CRTC1: variants seen among roughly 807,000 people sequenced by gnomAD.
CRTC1 encodes CREB regulated transcription coactivator 1, also known as CREB-regulated transcription coactivator 1.
CRTC1 carries 18 observed loss-of-function variants against 66.1 expected under a neutral mutation model. That is an observed-to-expected ratio of 0.27 (90% CI 0.19 to 0.40). CRTC1 has a LOEUF of 0.40. Ranked by LOEUF, CRTC1 falls within the 10% of genes least tolerant of loss-of-function variation. The pLI, the probability that CRTC1 is intolerant of heterozygous loss-of-function variation, is 1.00. For missense variants in CRTC1, 669 were observed against 887.9 expected, an observed-to-expected ratio of 0.75 and a Z score of 3.13; for synonymous variants, 416 against 398.8, an observed-to-expected ratio of 1.04 and a Z score of -0.51.
chr19:18,697,190 G>A lies in CRTC1; in HGVS notation c.126+13362G>A, dbSNP rs766092448. On this transcript the variant is annotated intron_variant, in intron 1 of 13. Transcript: ENST00000321949. ...TGTTTATTATTTGCCAACTGGAAAC[G>A]AAGCATGGCCGGGGCCTCCTCCTTG... Among the ~76,000 whole-genome samples, 12 of 152,120 alleles carry A rather than the reference G, an allele frequency of 7.9e-5. 1 individual carries two copies. Among genetic ancestry groups the A allele is most frequent in the Non-Finnish European group, 1.8e-4 (12 of 68,022 alleles).
At position 18,777,809 on chromosome 19, in the gene CRTC1, A is replaced by C; in HGVS notation, c.*427A>C. The C allele has an allele frequency of 3.4e-6, 1 of 293,224 alleles. No individual in the cohort carries two copies. Among genetic ancestry groups the C allele is most frequent in the Non-Finnish European group, 6.4e-6 (1 of 156,152 alleles). 18.2% of individuals were successfully genotyped at this position (293,224 alleles called of 1,614,324 possible). A position where few individuals can be genotyped will look rare whatever the true frequency, so the allele number is the denominator to read the frequency against. On this transcript the variant is annotated 3_prime_UTR_variant, in exon 14 of 14. Coordinates refer to ENST00000321949, the MANE Select transcript of CRTC1 (RefSeq NM_015321.3). The surrounding 1 kb of genome is among the most constrained non-coding windows in gnomAD (Gnocchi z 5.5). ...TTTTCCGACTGTTTGTCCAGCTCTC[A>C]CTGCCTTCCTTGGTTCCCGGTCCCC...
rs1349281140 is a variant in CRTC1 at position 18,731,336 on chromosome 19, G to A, written c.127-11574G>A. Among the ~76,000 whole-genome samples, 2 of 152,072 alleles carry A rather than the reference G, an allele frequency of 1.3e-5. 1 individual carries two copies. Among genetic ancestry groups the A allele is most frequent in the Non-Finnish European group, 2.9e-5 (2 of 68,008 alleles). Reference sequence around the variant, plus strand: ...AGCTCCTGGTGGCCCAGCGATCCTCGGCAGGCTCTTGACTTGTAGACGCGG... The same window carrying A: ...AGCTCCTGGTGGCCCAGCGATCCTCAGCAGGCTCTTGACTTGTAGACGCGG... On this transcript the variant is annotated intron_variant, in intron 1 of 13. Transcript: ENST00000321949.
At chr19:18,701,180 G>A (rs1352169002) in intron 1 of CRTC1, among the ~76,000 whole-genome samples, 10 of 152,260 alleles carry the variant, frequency 6.6e-5, no homozygotes, top group African/African-American at 1.9e-4. Context: ...GGTCCACCAT[G>A]GGGTGGAGGC....
At chr19:18,726,284 G>A (rs1004138328) in intron 1 of CRTC1, among the ~76,000 whole-genome samples, 6 of 152,340 alleles carry the variant, frequency 3.9e-5, no homozygotes, top group African/African-American at 7.2e-5. Flanking sequence ...TTCCAGCACC[G>A]CTGACGTGTG....
At position 18,703,456 on chromosome 19, in the gene CRTC1, CATTT is replaced by C. The variant is rs113928670; in HGVS notation, c.126+19647_126+19650del. Among the ~76,000 whole-genome samples, 351 of 152,166 alleles carry C rather than the reference CATTT, an allele frequency of 2.3e-3. 1 individual carries two copies. Among genetic ancestry groups the C allele is most frequent in the African/African-American group, 7.9e-3 (330 of 41,516 alleles). On this transcript the variant is annotated intron_variant, in intron 1 of 13. Coordinates refer to ENST00000321949, the MANE Select transcript of CRTC1 (RefSeq NM_015321.3). ...TTATTTACTTACGTATTTATTTATG[CATTT>C]ATTTATTTATTTATTTATGATAGAG...
intron 8 of CRTC1, among the ~76,000 whole-genome samples, chr19:18,765,203 A>G (rs889581818): frequency 6.6e-6 from 1 of 152,152 alleles, no homozygotes; most frequent in Non-Finnish European, 1.5e-5. Context: ...GAAGGAGAAC[A>G]GACTCTGCAG....
chr19:18,747,170 T>G, intron 4 of CRTC1, 56 bp downstream of exon 4: 3 of 1,125,604 alleles, frequency 2.7e-6, no homozygotes, highest in African/African-American at 1.9e-5. Flanking sequence ...AAAACCAAAC[T>G]CTCATCATGG....
intron 1 of CRTC1, among the ~76,000 whole-genome samples, chr19:18,697,949 C>G (rs940078311): frequency 1.3e-5 from 2 of 152,224 alleles, no homozygotes; most frequent in Non-Finnish European, 2.9e-5. Context: ...AGCAGGCACA[C>G]AGTGTGTACT....
intron 2 of CRTC1, chr19:18,744,239 C>A: frequency 7.2e-7 from 1 of 1,380,350 alleles, no homozygotes; most frequent in Non-Finnish European, 9.9e-7. Context: ...CTGGGGATCC[C>A]TGAGCTCCCC....
intron 1 of CRTC1, among the ~76,000 whole-genome samples, chr19:18,730,545 C>T (rs2053863869): frequency 6.6e-6 from 1 of 152,132 alleles, no homozygotes; most frequent in African/African-American, 2.4e-5. Flanking sequence ...GTTTGGGCTT[C>T]ATCTGCACCC....
At chr19:18,769,129 G>A (rs1203656269) in intron 10 of CRTC1, among the ~76,000 whole-genome samples, 3 of 152,226 alleles carry the variant, frequency 2.0e-5, no homozygotes, top group African/African-American at 7.2e-5. Context: ...AGAGTACGGC[G>A]TTCTCAGGGC....
chr19:18,769,039 C>T (rs982842433), intron 10 of CRTC1, among the ~76,000 whole-genome samples: 3 of 152,224 alleles, frequency 2.0e-5, no homozygotes, highest in Non-Finnish European at 4.4e-5. Flanking sequence ...AGGTGGGCCA[C>T]CCCATGTTTA....
chr19:18,701,600 T>C (rs528377003), intron 1 of CRTC1, among the ~76,000 whole-genome samples: 7 of 152,288 alleles, frequency 4.6e-5, no homozygotes, highest in African/African-American at 1.4e-4. Context: ...TCTTATGAGA[T>C]AGGATTTTTG....
In CRTC1 at chr19:18,715,650, C is replaced by T. The variant is rs530467260; in HGVS notation, c.127-27260C>T. Among the ~76,000 whole-genome samples the T allele has an allele frequency of 7.2e-5, 11 of 152,372 alleles. No homozygotes were observed. The East Asian group carries it at 2.1e-3, about 29-fold the overall frequency. ...GCCACCTGTGGCCCCGGGGACGGGC[C>T]TGTCCTCCCCTCTTCCCCTGCTTCT... is the stretch of plus-strand genomic sequence containing the variant. On this transcript the variant is annotated intron_variant, in intron 1 of 13. Coordinates refer to ENST00000321949, the MANE Select transcript of CRTC1 (RefSeq NM_015321.3).
chr19:18,725,643 G>A (rs994377373), intron 1 of CRTC1, among the ~76,000 whole-genome samples: 15 of 152,184 alleles, frequency 9.9e-5, no homozygotes, highest in South Asian at 2.1e-4. Context: ...AGGCCTGGCC[G>A]TCCTTGGCGC....
rs1285522947 is a variant in CRTC1 at position 18,747,097 on chromosome 19, G to A, written c.426G>A (p.Ala142=). The change falls in exon 4 of 14, where the codon GCG becomes GCA. Residue 142 remains alanine (A), a synonymous_variant. Transcript: ENST00000321949. ...PYGTMYLSPP[A]DTSWRRTNSD... is the part of the protein sequence containing the mutation. ...GCACCATGTACCTCTCACCACCCGC[G>A]GACACCAGCTGGAGAAGGTCAGTGG... The A allele has an allele frequency of 5.0e-6, 8 of 1,611,672 alleles. No individual in the cohort carries two copies. Among genetic ancestry groups the A allele is most frequent in the African/African-American group, 1.3e-5 (1 of 74,148 alleles).
intron 7 of CRTC1, 55 bp from the exon 8 acceptor site, chr19:18,759,953 G>GTCC: frequency 9.5e-7 from 1 of 1,051,884 alleles, no homozygotes; most frequent in Non-Finnish European, 1.4e-6. Context: ...CCCTGTCCCC[G>GTCC]CCGCCAGCCC....
rs1382166399 is a variant in CRTC1, at chr19:18,746,361, G to GC, written c.381+402dup. Among the ~76,000 whole-genome samples the GC allele has an allele frequency of 2.0e-5, 3 of 152,258 alleles. No individual in the cohort carries two copies. The East Asian group carries it at 5.8e-4, about 29-fold the overall frequency. ...CTGCACGGAGGGCAGCCCAGCCAAG[G>GC]CAATGGGGCTAAGGGGGTCTGTGTG... On this transcript the variant is annotated intron_variant, in intron 3 of 13. Transcript: ENST00000321949.
chr19:18,720,434 C>T (rs1418046591), intron 1 of CRTC1, among the ~76,000 whole-genome samples: 1 of 152,056 alleles, frequency 6.6e-6, no homozygotes, highest in Non-Finnish European at 1.5e-5. Context: ...ACTGCAAGCT[C>T]CGCCTTCCGG....
Sources: gnomAD v4.1 joint callset for allele counts (sites outside exome capture counted in the v4.1 genomes callset) on GRCh38, gnomAD v4.1.1 for gene constraint, Gnocchi (gnomAD v3.1) non-coding constraint, MANE v1.5 for transcripts, NCBI Gene and HGNC (gene_info 2026-07-23, HGNC 2026-07-21) for gene names.